PDZRN4: variants seen among roughly 807,000 people sequenced by gnomAD.
PDZRN4 encodes the protein PDZ domain containing ring finger 4.
A neutral mutation model predicts 99.0 loss-of-function variants in PDZRN4; 70 were observed. The observed-to-expected ratio is 0.71, with a 90% CI of 0.58 to 0.86. The LOEUF (loss-of-function observed/expected upper bound fraction) is 0.86, where lower values mean the gene tolerates loss of function less well. Ranked by LOEUF, PDZRN4 falls within the 40% of genes least tolerant of loss-of-function variation. PDZRN4 has a pLI of 0.00. For synonymous variants in PDZRN4, 551 were observed against 501.6 expected (o/e 1.10, Z -1.32); for missense variants, 1,474 against 1,331.2 (o/e 1.11, Z -1.67).
rs551241334 is a variant in PDZRN4 at position 41,569,223 on chromosome 12, G to A, written c.1584+1324G>A. Among the ~76,000 whole-genome samples, 14 of 152,056 alleles carry A rather than the reference G, an allele frequency of 9.2e-5. No individual in the cohort carries two copies. The East Asian group carries it at 2.7e-3, about 29-fold the overall frequency. Reference sequence around the variant, plus strand: ...CAACCTCTGCCTCCTGGGCTCAAGCGATTCTCCTGCCTCAGCCTCCTGAGT... The same window carrying A: ...CAACCTCTGCCTCCTGGGCTCAAGCAATTCTCCTGCCTCAGCCTCCTGAGT... On this transcript the variant is annotated intron_variant, in intron 9 of 9. Coordinates refer to ENST00000402685, the MANE Select transcript of PDZRN4 (RefSeq NM_001164595.2).
At chr12:41,216,453 G>T (rs1333171443) in intron 3 of PDZRN4, among the ~76,000 whole-genome samples, 2 of 151,932 alleles carry the variant, frequency 1.3e-5, no homozygotes, top group African/African-American at 4.8e-5. Context: ...GTGTTTCAAA[G>T]AGTTTGACTT....
intron 3 of PDZRN4, among the ~76,000 whole-genome samples, chr12:41,348,775 C>T (rs118123231): frequency 0.023 from 3,510 of 151,998 alleles, 52 homozygotes; most frequent in Non-Finnish European, 0.037. Context: ...ACAAGAATGA[C>T]AGACAAGCCA....
At chr12:41,482,744 A>G (rs1307891956) in intron 3 of PDZRN4, among the ~76,000 whole-genome samples, 1 of 152,070 alleles carries the variant, frequency 6.6e-6, no homozygotes, top group Admixed American at 6.6e-5. Flanking sequence ...AGAACATTTT[A>G]ATGATACATT....
intron 3 of PDZRN4, among the ~76,000 whole-genome samples, chr12:41,373,684 C>T (rs1453027339): frequency 1.3e-5 from 2 of 151,788 alleles, no homozygotes; most frequent in South Asian, 4.1e-4. Flanking sequence ...TTAATGCAGT[C>T]ATCACAGGGT....
intron 3 of PDZRN4, among the ~76,000 whole-genome samples, chr12:41,317,412 C>A (rs902600097): frequency 1.3e-5 from 2 of 151,756 alleles, no homozygotes; most frequent in African/African-American, 4.8e-5. Flanking sequence ...TGAGGTCCAC[C>A]CACAGGATGG....
chr12:41,429,798 T>A (rs1483375095), intron 3 of PDZRN4, among the ~76,000 whole-genome samples: 1 of 151,392 alleles, frequency 6.6e-6, no homozygotes, highest in Non-Finnish European at 1.5e-5. Flanking sequence ...TTAGCTCTTA[T>A]TTTTTAAAAT....
At chr12:41,523,974 C>A (rs1171553359) in intron 5 of PDZRN4, among the ~76,000 whole-genome samples, 10 of 152,086 alleles carry the variant, frequency 6.6e-5, no homozygotes, top group Non-Finnish European at 1.3e-4. Flanking sequence ...CTTATGAAAT[C>A]ATCACCACAA....
rs146601503 is a variant in PDZRN4, at chr12:41,344,161, C to T, written c.843+149973C>T. On this transcript the variant is annotated intron_variant, in intron 3 of 9. Coordinates refer to ENST00000402685, the MANE Select transcript of PDZRN4 (RefSeq NM_001164595.2). The stretch of plus-strand genomic sequence containing the variant: ...ATATCATTCTGTTGCAGTAGAATAG[C>T]AGACAGAGTTCAATGAGGCTTTTTA... Among the ~76,000 whole-genome samples the T allele has an allele frequency of 1.1e-3, 166 of 152,202 alleles. 2 individuals carry two copies. The East Asian group carries it at 0.028, about 26-fold the overall frequency.
chr12:41,435,615 C>T (rs1398209665), intron 3 of PDZRN4, among the ~76,000 whole-genome samples: 5 of 151,934 alleles, frequency 3.3e-5, no homozygotes, highest in Admixed American at 6.6e-5. Context: ...GGTGAAACCC[C>T]GTCTCTACTA....
At chr12:41,420,493 A>G (rs1394716559) in intron 3 of PDZRN4, among the ~76,000 whole-genome samples, 1 of 152,128 alleles carries the variant, frequency 6.6e-6, no homozygotes, top group Non-Finnish European at 1.5e-5. Flanking sequence ...AACTCGGCAC[A>G]GCCCCCTCTG....
intron 3 of PDZRN4, among the ~76,000 whole-genome samples, chr12:41,215,630 T>A (rs1950915180): frequency 6.6e-6 from 1 of 152,090 alleles, no homozygotes; most frequent in Admixed American, 6.6e-5. Flanking sequence ...GCCATGATGA[T>A]TACATAGACA....
chr12:41,318,937 T>C (rs1951656745), intron 3 of PDZRN4, among the ~76,000 whole-genome samples: 1 of 152,288 alleles, frequency 6.6e-6, no homozygotes, highest in East Asian at 1.9e-4. Context: ...GGAAAGATCA[T>C]GTAAAGTTCC....
At chr12:41,433,729 G>A (rs1952604296) in intron 3 of PDZRN4, among the ~76,000 whole-genome samples, 1 of 152,192 alleles carries the variant, frequency 6.6e-6, no homozygotes, top group South Asian at 2.1e-4. Context: ...CAGGCTCAAT[G>A]GGATTGGTGA....
intron 3 of PDZRN4, chr12:41,477,889 C>G (rs866542151): frequency 6.4e-7 from 1 of 1,552,432 alleles, no homozygotes; most frequent in Non-Finnish European, 8.7e-7. Context: ...TTCCTTAAAC[C>G]TTTGGCATTG....
intron 3 of PDZRN4, among the ~76,000 whole-genome samples, chr12:41,308,416 A>G (rs1951585649): frequency 6.6e-6 from 1 of 152,148 alleles, no homozygotes; most frequent in South Asian, 2.1e-4. Flanking sequence ...TCACTTTTTT[A>G]TATCGCATTA....
At chr12:41,529,229 TTGTG>T (rs71081749) in intron 5 of PDZRN4, among the ~76,000 whole-genome samples, 50 of 149,786 alleles carry the variant, frequency 3.3e-4, no homozygotes, top group African/African-American at 1.1e-3. Flanking sequence ...GTGTGTGTGT[TTGTG>T]TGTGTGTGTG....
intron 3 of PDZRN4, among the ~76,000 whole-genome samples, chr12:41,264,715 T>C (rs566041177): frequency 6.6e-6 from 1 of 152,334 alleles, no homozygotes; most frequent in African/African-American, 2.4e-5. Context: ...ATATTTAACT[T>C]GATAAATACA....
chr12:41,325,013 C>T (rs1332441160), intron 3 of PDZRN4, among the ~76,000 whole-genome samples: 2 of 152,092 alleles, frequency 1.3e-5, no homozygotes, highest in African/African-American at 4.8e-5. Context: ...CTAGATACCT[C>T]CAGTCTATCT....
intron 3 of PDZRN4, among the ~76,000 whole-genome samples, chr12:41,444,278 C>T (rs1386555055): frequency 2.0e-5 from 3 of 152,072 alleles, no homozygotes; most frequent in Admixed American, 6.6e-5. Flanking sequence ...CTTCACCCAA[C>T]GTCATTCCCC....
Sources: allele counts gnomAD v4.1 joint callset (sites outside exome capture counted in the v4.1 genomes callset), GRCh38; gene constraint gnomAD v4.1.1; transcripts MANE v1.5; gene names NCBI Gene and HGNC (gene_info 2026-07-23, HGNC 2026-07-21).